Variants in SMURF2 observed in about 807,000 individuals in gnomAD.
SMURF2 encodes the protein E3 ubiquitin-protein ligase SMURF2.
In SMURF2, 48 loss-of-function variants were observed where a neutral mutation model predicts 109.6. The observed-to-expected ratio is 0.44, with a 90% CI of 0.35 to 0.56. The LOEUF (loss-of-function observed/expected upper bound fraction) is 0.56, where lower values mean the gene tolerates loss of function less well. Ranked by LOEUF, SMURF2 falls within the 20% of genes least tolerant of loss-of-function variation. The pLI, the probability that SMURF2 is intolerant of heterozygous loss-of-function variation, is 0.01. For missense variants in SMURF2, 575 were observed against 909.0 expected (o/e 0.63, Z 4.72); for synonymous variants, 288 against 317.1 (o/e 0.91, Z 0.97).
chr17:64,585,031 TTAAAAAATGAG>T (rs1316165322), intron 6 of SMURF2, among the ~76,000 whole-genome samples: 1 of 152,176 alleles, frequency 6.6e-6, no homozygotes, highest in Non-Finnish European at 1.5e-5. Context: ...TTTTAACAGT[TTAAAAAATGAG>T]TAAATACCAT....
chr17:64,583,609 C>A, intron 6 of SMURF2, 65 bp from the exon 7 acceptor site: 1 of 1,176,148 alleles, frequency 8.5e-7, no homozygotes, highest in African/African-American at 1.5e-5. Flanking sequence ...AACAAGCAAG[C>A]CAGTAAGACA....
At chr17:64,646,210 C>T (rs551847782) in intron 1 of SMURF2, among the ~76,000 whole-genome samples, 8 of 151,460 alleles carry the variant, frequency 5.3e-5, no homozygotes, top group East Asian at 1.9e-4. Context: ...GGATTATAGG[C>T]GCACACCACC....
intron 1 of SMURF2, among the ~76,000 whole-genome samples, chr17:64,620,559 T>A (rs1339290986): frequency 6.6e-6 from 1 of 152,222 alleles, no homozygotes; most frequent in East Asian, 1.9e-4. Context: ...TAAATGTTAT[T>A]ATCCCAACCA....
intron 1 of SMURF2, among the ~76,000 whole-genome samples, chr17:64,628,146 G>A (rs1270566163): frequency 3.9e-5 from 6 of 152,166 alleles, no homozygotes; most frequent in Admixed American, 6.5e-5. Flanking sequence ...CTGCTGTCTC[G>A]CAAGTTTGTT....
chr17:64,642,275 T>C (rs1449415861), intron 1 of SMURF2, among the ~76,000 whole-genome samples: 3 of 152,210 alleles, frequency 2.0e-5, no homozygotes, highest in African/African-American at 7.2e-5. Context: ...AATATTACTG[T>C]AACTCACAGA....
intron 1 of SMURF2, among the ~76,000 whole-genome samples, chr17:64,649,952 T>C (rs1456974119): frequency 3.5e-5 from 5 of 141,810 alleles, no homozygotes; most frequent in Admixed American, 1.3e-4. Flanking sequence ...ATTTATGCCT[T>C]TTTTTTCTTG....
intron 1 of SMURF2, among the ~76,000 whole-genome samples, chr17:64,616,577 C>T (rs1399378969): frequency 2.6e-5 from 4 of 151,548 alleles, no homozygotes; most frequent in African/African-American, 7.3e-5. Flanking sequence ...TCCACTTGAA[C>T]CCAGGAGGCG....
chr17:64,629,776 G>A (rs782640640), intron 1 of SMURF2, among the ~76,000 whole-genome samples: 7 of 152,114 alleles, frequency 4.6e-5, no homozygotes, highest in Non-Finnish European at 1.0e-4. Flanking sequence ...ACAGAATATT[G>A]TCCAAGAACT....
intron 2 of SMURF2, among the ~76,000 whole-genome samples, chr17:64,605,775 A>ATATATC: frequency 7.2e-6 from 1 of 139,002 alleles, no homozygotes; most frequent in Middle Eastern, 3.7e-3. Context: ...ATATATATAT[A>ATATATC]TCTTATTTCT....
Position 64,661,770 on chromosome 17 carries a change from A to G in SMURF2, c.52+59T>C, listed in dbSNP as rs960827045. 3.4e-6 allele frequency: 4 copies of G among 1,175,132 alleles called. No homozygotes were observed. In the South Asian group the frequency reaches 1.3e-4, roughly 37 times the overall value. The allele number at this position is 1,175,132 out of a possible 1,614,324, so 72.8% of individuals were successfully genotyped here. The stretch of plus-strand genomic sequence containing the variant: ...CCTGGCCCTTCCCAAGGCCACAGGC[A>G]CCCCCCGCCAGCTCGCCCACCCCGC... On this transcript the variant is annotated intron_variant, in intron 1 of 18. Coordinates refer to ENST00000262435, the MANE Select transcript of SMURF2 (RefSeq NM_022739.4).
intron 10 of SMURF2, among the ~76,000 whole-genome samples, chr17:64,565,779 T>C (rs1003718366): frequency 6.6e-6 from 1 of 151,948 alleles, no homozygotes; most frequent in Non-Finnish European, 1.5e-5. Flanking sequence ...ACTCAGAGCA[T>C]GGTAAGTGCA....
At chr17:64,580,736 A>G in intron 8 of SMURF2, 53 bp downstream of exon 8, 8 of 1,535,814 alleles carry the variant, frequency 5.2e-6, no homozygotes, top group Non-Finnish European at 7.2e-6. Context: ...TGACTTCCTC[A>G]GCAAACTGAA....
intron 2 of SMURF2, 129 bp downstream of exon 2, chr17:64,606,473 C>A (rs1969972748): frequency 1.4e-6 from 1 of 731,350 alleles, no homozygotes; most frequent in Admixed American, 3.3e-5. Context: ...GGCTCTGAAC[C>A]GAAGCATTCA....
intron 1 of SMURF2, among the ~76,000 whole-genome samples, chr17:64,621,395 C>CA (rs1421813276): frequency 6.6e-6 from 1 of 151,856 alleles, no homozygotes; most frequent in African/African-American, 2.4e-5. Flanking sequence ...GCCTGGCCGA[C>CA]ATGGCAAAAT....
chr17:64,608,028 A>C (rs553392554), intron 1 of SMURF2, among the ~76,000 whole-genome samples: 1 of 150,804 alleles, frequency 6.6e-6, no homozygotes, highest in South Asian at 2.1e-4. Context: ...TAAATAAATA[A>C]ATAAATAAAT....
chr17:64,609,925 C>G (rs1970020992), intron 1 of SMURF2, among the ~76,000 whole-genome samples: 1 of 151,210 alleles, frequency 6.6e-6, no homozygotes, highest in African/African-American at 2.4e-5. Context: ...AAAAAAAAAC[C>G]CCATCAAAAA....
intron 10 of SMURF2, among the ~76,000 whole-genome samples, chr17:64,563,482 TAATA>T (rs1969255448): frequency 6.6e-6 from 1 of 152,208 alleles, no homozygotes; most frequent in Non-Finnish European, 1.5e-5. Context: ...ACAAATACTA[TAATA>T]AAGATGTTTT....
At chr17:64,620,776 C>T (rs1017032222) in intron 1 of SMURF2, among the ~76,000 whole-genome samples, 1 of 152,178 alleles carries the variant, frequency 6.6e-6, no homozygotes, top group Non-Finnish European at 1.5e-5. Flanking sequence ...ACCTCTTCTA[C>T]AGTTTATTAT....
At chr17:64,608,086 A>T (rs1463068672) in intron 1 of SMURF2, among the ~76,000 whole-genome samples, 2 of 151,814 alleles carry the variant, frequency 1.3e-5, no homozygotes, top group African/African-American at 4.8e-5. Flanking sequence ...CTTTAACTCA[A>T]ACTTGATACA....
Sources: allele counts gnomAD v4.1 joint callset (sites outside exome capture counted in the v4.1 genomes callset), GRCh38; gene constraint gnomAD v4.1.1; transcripts MANE v1.5; gene names NCBI Gene and HGNC (gene_info 2026-07-23, HGNC 2026-07-21).